ST6GALNAC3: variants seen among roughly 807,000 people sequenced by gnomAD.
ST6GALNAC3 encodes the protein ST6 N-acetylgalactosaminide alpha-2,6-sialyltransferase 3, also known as alpha-N-acetylgalactosaminide alpha-2,6-sialyltransferase 3.
Under a neutral mutation model 32.7 loss-of-function variants are expected in ST6GALNAC3, and 25 were observed. The ratio of observed to expected loss-of-function variants is 0.76; its 90% CI spans 0.56 to 1.07. The LOEUF (loss-of-function observed/expected upper bound fraction) is 1.07, where lower values mean the gene tolerates loss of function less well. Among genes scored for constraint, ST6GALNAC3 ranks in the 50% least tolerant of loss-of-function variants. The pLI, the probability that ST6GALNAC3 is intolerant of heterozygous loss-of-function variation, is 0.00. For synonymous variants in ST6GALNAC3, 129 were observed against 133.1 expected (o/e 0.97, Z 0.21); for missense variants, 355 against 382.4 (o/e 0.93, Z 0.60).
chr1:76,576,051 G>A (rs1020746711), intron 3 of ST6GALNAC3, among the ~76,000 whole-genome samples: 2 of 152,006 alleles, frequency 1.3e-5, no homozygotes, highest in African/African-American at 4.8e-5. Context: ...AGGAACAGAA[G>A]GTTGGGGAGG....
At chr1:76,129,274 C>G (rs1243508614) in intron 1 of ST6GALNAC3, among the ~76,000 whole-genome samples, 1 of 152,164 alleles carries the variant, frequency 6.6e-6, no homozygotes, top group African/African-American at 2.4e-5. Context: ...GCGTCCCTGT[C>G]AGGCACTACC....
intron 1 of ST6GALNAC3, among the ~76,000 whole-genome samples, chr1:76,184,609 C>G (rs958132925): frequency 6.0e-5 from 9 of 151,128 alleles, no homozygotes; most frequent in Non-Finnish European, 1.3e-4. Flanking sequence ...AGAGTTTGCC[C>G]GGGACTAAAA....
intron 2 of ST6GALNAC3, among the ~76,000 whole-genome samples, chr1:76,380,374 TA>T (rs1651607427): frequency 6.6e-6 from 1 of 152,210 alleles, no homozygotes; most frequent in Non-Finnish European, 1.5e-5. Flanking sequence ...TGAGTGTAAT[TA>T]GTGCAACCCC....
At chr1:76,106,464 G>T (rs1430875336) in intron 1 of ST6GALNAC3, among the ~76,000 whole-genome samples, 1 of 152,130 alleles carries the variant, frequency 6.6e-6, no homozygotes, top group Non-Finnish European at 1.5e-5. Flanking sequence ...CTTTGAGCTC[G>T]CTGAGGCAGT....
Position 76,629,227 on chromosome 1 carries a change from C to A in ST6GALNAC3, c.*421C>A. 1.0e-6 allele frequency: 1 copy of A among 998,838 alleles called. No individual in the cohort carries two copies. Among genetic ancestry groups the A allele is most frequent in the Non-Finnish European group, 1.2e-6 (1 of 839,654 alleles). 61.9% of individuals were successfully genotyped at this position (998,838 alleles called of 1,614,324 possible). A position where few individuals can be genotyped will look rare whatever the true frequency, so the allele number is the denominator to read the frequency against. On this transcript the variant is annotated 3_prime_UTR_variant, in exon 5 of 5. Transcript: ENST00000328299. ...AATGGCTTGTTGAATCTCAGCAGTT[C>A]CGCCATCTTGAAGAATGATTGATTG...
intron 1 of ST6GALNAC3, among the ~76,000 whole-genome samples, chr1:76,166,566 A>T (rs1262786855): frequency 1.3e-5 from 2 of 152,200 alleles, no homozygotes; most frequent in African/African-American, 4.8e-5. Flanking sequence ...CAGGAATAGC[A>T]TTGAATCTAT....
At position 76,634,111 on chromosome 1, in the gene ST6GALNAC3, C is replaced by T. The variant is rs868398319; in HGVS notation, c.*5305C>T. 1.0e-6 allele frequency: 1 copy of T among 981,442 alleles called. No homozygotes were observed. Among genetic ancestry groups the T allele is most frequent in the African/African-American group, 1.8e-5 (1 of 56,968 alleles). 60.8% of individuals were successfully genotyped at this position (981,442 alleles called of 1,614,324 possible). On this transcript the variant is annotated 3_prime_UTR_variant, in exon 5 of 5. Coordinates refer to ENST00000328299, the MANE Select transcript of ST6GALNAC3 (RefSeq NM_152996.4). ...AGGCACTTTTTTTTGAGTAGAAAAC[C>T]TCTTCTTTCTCCACAGATACATCTC...
intron 3 of ST6GALNAC3, among the ~76,000 whole-genome samples, chr1:76,417,503 G>A (rs548914333): frequency 6.6e-6 from 1 of 152,218 alleles, no homozygotes; most frequent in South Asian, 2.1e-4. Flanking sequence ...CTGTAGGGCT[G>A]ATAGTGGCAC....
intron 1 of ST6GALNAC3, among the ~76,000 whole-genome samples, chr1:76,154,293 T>C (rs1372706788): frequency 2.0e-5 from 3 of 152,010 alleles, no homozygotes; most frequent in African/African-American, 7.3e-5. Flanking sequence ...CAGGGCCCTT[T>C]CTCCCCCACG....
chr1:76,118,828 A>G (rs533695118), intron 1 of ST6GALNAC3, among the ~76,000 whole-genome samples: 1 of 151,238 alleles, frequency 6.6e-6, no homozygotes, highest in African/African-American at 2.4e-5. Flanking sequence ...CTTGATGGCA[A>G]TTTTTTCTTT....
chr1:76,207,381 GC>G (rs1302248408), intron 1 of ST6GALNAC3, among the ~76,000 whole-genome samples: 2 of 152,146 alleles, frequency 1.3e-5, no homozygotes, highest in Non-Finnish European at 1.5e-5. Flanking sequence ...AGGCTTTAGT[GC>G]CATTTGTGAG....
intron 3 of ST6GALNAC3, among the ~76,000 whole-genome samples, chr1:76,501,354 G>C (rs1032198969): frequency 2.0e-5 from 3 of 152,186 alleles, no homozygotes; most frequent in Non-Finnish European, 4.4e-5. Context: ...GGTTTGCAAG[G>C]CAAATGATTC....
intron 1 of ST6GALNAC3, among the ~76,000 whole-genome samples, chr1:76,294,790 A>C (rs1479654051): frequency 2.0e-5 from 3 of 152,114 alleles, no homozygotes; most frequent in Non-Finnish European, 4.4e-5. Flanking sequence ...TGCTGCGTTT[A>C]GGCATATAAT....
chr1:76,567,036 T>G (rs968362818), intron 3 of ST6GALNAC3, among the ~76,000 whole-genome samples: 1 of 151,554 alleles, frequency 6.6e-6, no homozygotes, highest in African/African-American at 2.4e-5. Context: ...GAAAAAAGAA[T>G]GAGGACAGGG....
chr1:76,328,911 A>G (rs1207725013), intron 2 of ST6GALNAC3, among the ~76,000 whole-genome samples: 1 of 152,168 alleles, frequency 6.6e-6, no homozygotes, highest in Non-Finnish European at 1.5e-5. Flanking sequence ...ACTGACTCCA[A>G]TTGCCCTCAT....
chr1:76,220,792 GTTC>G (rs1284986333), intron 1 of ST6GALNAC3, among the ~76,000 whole-genome samples: 2 of 152,166 alleles, frequency 1.3e-5, no homozygotes, highest in African/African-American at 2.4e-5. Flanking sequence ...GTGTTATTGT[GTTC>G]TTCTTCTTCT....
At chr1:76,355,241 T>G (rs1478089376) in intron 2 of ST6GALNAC3, among the ~76,000 whole-genome samples, 2 of 152,216 alleles carry the variant, frequency 1.3e-5, no homozygotes, top group East Asian at 3.8e-4. Context: ...ATGAGCAGTC[T>G]TTTAAAGAAA....
intron 3 of ST6GALNAC3, among the ~76,000 whole-genome samples, chr1:76,526,093 G>A (rs1258216514): frequency 6.6e-6 from 1 of 151,558 alleles, no homozygotes; most frequent in African/African-American, 2.4e-5. Flanking sequence ...TTAGATTTTG[G>A]AAGAGCATAA....
intron 2 of ST6GALNAC3, among the ~76,000 whole-genome samples, chr1:76,373,547 G>A (rs1650996722): frequency 6.6e-6 from 1 of 152,186 alleles, no homozygotes; most frequent in Non-Finnish European, 1.5e-5. Flanking sequence ...AAAGGTGAGT[G>A]TGTGAGGTGT....
Sources: gnomAD v4.1 joint callset for allele counts (sites outside exome capture counted in the v4.1 genomes callset) on GRCh38, gnomAD v4.1.1 for gene constraint, MANE v1.5 for transcripts, NCBI Gene and HGNC (gene_info 2026-07-23, HGNC 2026-07-21) for gene names.